Variants in CACNB2 observed in about 807,000 individuals in gnomAD.
The protein encoded by CACNB2 is voltage-dependent L-type calcium channel subunit beta-2.
Under a neutral mutation model 73.3 loss-of-function variants are expected in CACNB2, and 42 were observed. The observed-to-expected ratio is 0.57, with a 90% CI of 0.45 to 0.74. The LOEUF is 0.74. Ranked by LOEUF, CACNB2 falls within the 30% of genes least tolerant of loss-of-function variation. The probability of loss-of-function intolerance (pLI) is 0.00; values close to 1 mark genes in which losing one functional copy is unlikely to be tolerated. For missense variants in CACNB2, 940 were observed against 853.0 expected, an observed-to-expected ratio of 1.10 and a Z score of -1.27; for synonymous variants, 348 against 310.3, an observed-to-expected ratio of 1.12 and a Z score of -1.28.
intron 2 of CACNB2, among the ~76,000 whole-genome samples, chr10:18,316,823 G>C (rs1000266): frequency 0.2 from 31,063 of 151,992 alleles, 3,375 homozygotes; most frequent in Middle Eastern, 0.3. Flanking sequence ...CTTCCTCCAG[G>C]TTCTCTGTCC....
intron 3 of CACNB2, among the ~76,000 whole-genome samples, chr10:18,463,259 C>T (rs538796279): frequency 1.3e-5 from 2 of 152,160 alleles, no homozygotes; most frequent in South Asian, 2.1e-4. Context: ...CATGGTGGCT[C>T]ACACCTGTAA....
At chr10:18,244,874 A>G (rs1484892587) in intron 2 of CACNB2, among the ~76,000 whole-genome samples, 1 of 152,232 alleles carries the variant, frequency 6.6e-6, no homozygotes, top group African/African-American at 2.4e-5. Context: ...GTGTAATCAC[A>G]AGGGTTCTTT....
At chr10:18,350,158 T>C (rs1402726811) in intron 2 of CACNB2, among the ~76,000 whole-genome samples, 1 of 152,092 alleles carries the variant, frequency 6.6e-6, no homozygotes, top group Non-Finnish European at 1.5e-5. Context: ...GGCAGGAGAA[T>C]CGCTTGAACC....
At chr10:18,460,015 A>G (rs2047482431) in intron 3 of CACNB2, among the ~76,000 whole-genome samples, 1 of 152,208 alleles carries the variant, frequency 6.6e-6, no homozygotes, top group Non-Finnish European at 1.5e-5. Flanking sequence ...AAGGAAAAAA[A>G]GTCGAATACT....
intron 2 of CACNB2, among the ~76,000 whole-genome samples, chr10:18,220,222 TATATATATATAGAGAGAG>T (rs1295552274): frequency 2.1e-4 from 10 of 48,262 alleles, no homozygotes; most frequent in African/African-American, 1.9e-3. Flanking sequence ...TATATATATA[TATATATATATAGAGAGAG>T]AGAGAGAGAG....
chr10:18,469,709 A>G (rs930471331), intron 3 of CACNB2, among the ~76,000 whole-genome samples: 9 of 152,216 alleles, frequency 5.9e-5, no homozygotes, highest in Non-Finnish European at 1.3e-4. Flanking sequence ...AGTTACTGAT[A>G]ATAAACTAAG....
At chr10:18,404,137 GTTTA>G (rs996571405) in intron 3 of CACNB2, among the ~76,000 whole-genome samples, 6 of 151,898 alleles carry the variant, frequency 4.0e-5, no homozygotes, top group Non-Finnish European at 5.9e-5. Flanking sequence ...TTAAAAAATA[GTTTA>G]TTTATATTTT....
At chr10:18,289,225 A>C (rs2038941776) in intron 2 of CACNB2, among the ~76,000 whole-genome samples, 2 of 151,654 alleles carry the variant, frequency 1.3e-5, no homozygotes, top group South Asian at 2.1e-4. Flanking sequence ...CCTCCCCAGC[A>C]AAAAAATCCA....
intron 2 of CACNB2, among the ~76,000 whole-genome samples, chr10:18,201,132 A>C (rs956081576): frequency 6.6e-6 from 1 of 152,168 alleles, no homozygotes; most frequent in Non-Finnish European, 1.5e-5. Context: ...CATTTTATCT[A>C]TGCATTACTA....
intron 2 of CACNB2, among the ~76,000 whole-genome samples, chr10:18,205,801 C>T (rs2035065358): frequency 6.6e-6 from 1 of 152,100 alleles, no homozygotes; most frequent in Non-Finnish European, 1.5e-5. Context: ...CTAACTCCTC[C>T]AGTGATTTAG....
chr10:18,220,244 G>GGGGGGGGAGAC (rs2035730383), intron 2 of CACNB2, among the ~76,000 whole-genome samples: 1 of 97,500 alleles, frequency 1.0e-5, no homozygotes, highest in African/African-American at 5.1e-5. Context: ...GAGAGAGAGA[G>GGGGGGGGAGAC]AGAGAGAGAG....
intron 3 of CACNB2, among the ~76,000 whole-genome samples, chr10:18,454,752 G>T (rs2047189508): frequency 6.6e-6 from 1 of 152,176 alleles, no homozygotes; most frequent in South Asian, 2.1e-4. Flanking sequence ...TCAAAAGTGT[G>T]ATATCGATGG....
At chr10:18,434,376 T>G (rs1400323963) in intron 3 of CACNB2, among the ~76,000 whole-genome samples, 14 of 152,062 alleles carry the variant, frequency 9.2e-5, no homozygotes, top group Non-Finnish European at 1.9e-4. Flanking sequence ...CAGAGAAACC[T>G]GCCAGTTCTC....
intron 2 of CACNB2, among the ~76,000 whole-genome samples, chr10:18,190,531 C>T (rs989346249): frequency 6.6e-6 from 1 of 152,134 alleles, no homozygotes; most frequent in Non-Finnish European, 1.5e-5. Context: ...AAAATAGTTA[C>T]TAATTTATTT....
intron 2 of CACNB2, among the ~76,000 whole-genome samples, chr10:18,191,673 A>C (rs969444486): frequency 6.6e-6 from 1 of 152,176 alleles, no homozygotes; most frequent in Non-Finnish European, 1.5e-5. Flanking sequence ...CCCACATATC[A>C]GTGAGAACAT....
intron 3 of CACNB2, among the ~76,000 whole-genome samples, chr10:18,468,679 A>G (rs2048026928): frequency 1.3e-5 from 2 of 152,044 alleles, no homozygotes; most frequent in African/African-American, 2.4e-5. Context: ...AGCTCACTGC[A>G]ACCTCTGCCT....
chr10:18,177,467 A>T (rs867429093), intron 2 of CACNB2, among the ~76,000 whole-genome samples: 2 of 32,742 alleles, frequency 6.1e-5, no homozygotes, highest in East Asian at 5.2e-3. Context: ...TAAAAATGCA[A>T]AAAAAAAAAA....
intron 2 of CACNB2, among the ~76,000 whole-genome samples, chr10:18,263,608 A>C (rs2037655837): frequency 6.6e-6 from 1 of 152,200 alleles, no homozygotes; most frequent in Non-Finnish European, 1.5e-5. Context: ...TTTTAGTATG[A>C]CAGCTTTCTT....
intron 2 of CACNB2, among the ~76,000 whole-genome samples, chr10:18,345,983 C>T (rs2041434598): frequency 6.6e-6 from 1 of 152,150 alleles, no homozygotes; most frequent in Non-Finnish European, 1.5e-5. Context: ...TTTACATTGT[C>T]AGGGGCAGCA....
Sources: gnomAD v4.1 joint callset for allele counts (sites outside exome capture counted in the v4.1 genomes callset) on GRCh38, gnomAD v4.1.1 for gene constraint, MANE v1.5 for transcripts, NCBI Gene and HGNC (gene_info 2026-07-23, HGNC 2026-07-21) for gene names.